ABI1: variants seen among roughly 807,000 people sequenced by gnomAD.
ABI1 encodes the protein abl interactor 1.
Under a neutral mutation model 54.6 loss-of-function variants are expected in ABI1, and 14 were observed. The ratio of observed to expected loss-of-function variants is 0.26; its 90% confidence interval spans 0.17 to 0.40. The LOEUF is 0.40. Ranked by LOEUF, ABI1 falls within the 10% of genes least tolerant of loss-of-function variation. The pLI, the probability that ABI1 is intolerant of heterozygous loss-of-function variation, is 1.00. For synonymous variants in ABI1, 194 were observed against 209.3 expected (o/e 0.93, Z 0.63); for missense variants, 443 against 598.3 (o/e 0.74, Z 2.71).
intron 1 of ABI1, among the ~76,000 whole-genome samples, chr10:26,845,464 G>T (rs1179305136): frequency 6.6e-6 from 1 of 151,952 alleles, no homozygotes; most frequent in African/African-American, 2.4e-5. Flanking sequence ...CCAATATGAT[G>T]AAACCCCATC....
At chr10:26,783,249 A>C (rs1421262569) in intron 2 of ABI1, among the ~76,000 whole-genome samples, 1 of 152,254 alleles carries the variant, frequency 6.6e-6, no homozygotes, top group Non-Finnish European at 1.5e-5. Flanking sequence ...GTACTAGAGC[A>C]GTCAAATTCA....
chr10:26,786,713 A>T (rs1842773057), intron 2 of ABI1, among the ~76,000 whole-genome samples: 1 of 152,036 alleles, frequency 6.6e-6, no homozygotes, highest in Non-Finnish European at 1.5e-5. Flanking sequence ...TCTCCCGAAC[A>T]CTCATTCTCT....
At chr10:26,753,650 A>C (rs566579149) in intron 9 of ABI1, among the ~76,000 whole-genome samples, 2 of 152,322 alleles carry the variant, frequency 1.3e-5, no homozygotes, top group Non-Finnish European at 2.9e-5. Flanking sequence ...ATTATCACCC[A>C]CTTTGAGTGT....
Position 26,859,825 on chromosome 10 carries a change from A to G in ABI1, c.117+922T>C, listed in dbSNP as rs185987497. 7.3e-3 allele frequency among the ~76,000 whole-genome samples: 1,117 copies of G among 152,322 alleles called. 5 individuals are homozygous for G. The highest frequency in any genetic ancestry group is 0.014 in the Non-Finnish European group (929 of 68,028). ...AAGCAACCGGCGATGACACCAGTCT[A>G]TTTTAAGTTACTTATGAAGCCTACA... On this transcript the variant is annotated intron_variant, in intron 1 of 10. Transcript: ENST00000376140.
rs920578222 is a variant in ABI1, at chr10:26,768,764, C to G, written c.719+88G>C. 4 of 1,100,626 alleles carry G rather than the reference C, an allele frequency of 3.6e-6. No individual in the cohort carries two copies. The African/African-American group carries it at 4.8e-5, about 13-fold the overall frequency. The allele number at this position is 1,100,626 out of a possible 1,614,324, so 68.2% of individuals were successfully genotyped here. A position where few individuals can be genotyped will look rare whatever the true frequency, so the allele number is the denominator to read the frequency against. ...TTATATTAGCATTAGAGTGGCACCT[C>G]ACCTTTACTCAGCACCTCCATAGGA... On this transcript the variant is annotated intron_variant, in intron 6 of 10. Coordinates refer to ENST00000376140, the MANE Select transcript of ABI1 (RefSeq NM_001012750.3).
At chr10:26,801,864 C>A (rs1315423224) in intron 2 of ABI1, among the ~76,000 whole-genome samples, 1 of 152,110 alleles carries the variant, frequency 6.6e-6, no homozygotes, top group Admixed American at 6.5e-5. Context: ...AGAGCAATGA[C>A]CATAATAGAC....
rs181194707 is a variant in ABI1 at position 26,809,822 on chromosome 10, G to C, written c.285+13316C>G. Among the ~76,000 whole-genome samples, 13 of 152,278 alleles carry C rather than the reference G, an allele frequency of 8.5e-5. No individual in the cohort carries two copies. In the East Asian group the frequency reaches 2.5e-3, roughly 29 times the overall value. The stretch of plus-strand genomic sequence containing the variant: ...TGCCTGGTGGAGCTCCCTGGATGGT[G>C]AACACGCTGATGAGCAAGGAGGGTA... On this transcript the variant is annotated intron_variant, in intron 2 of 10. Transcript: ENST00000376140.
intron 1 of ABI1, among the ~76,000 whole-genome samples, chr10:26,825,134 G>C (rs2048228270): frequency 2.0e-5 from 3 of 152,148 alleles, no homozygotes; most frequent in Non-Finnish European, 4.4e-5. Flanking sequence ...AGACAACAAT[G>C]AAATTTGCTG....
chr10:26,768,452 C>A (rs1840240041), intron 6 of ABI1, among the ~76,000 whole-genome samples: 2 of 150,670 alleles, frequency 1.3e-5, no homozygotes, highest in African/African-American at 4.9e-5. Context: ...GCAGGAAAAT[C>A]GCTTGAACCT....
intron 2 of ABI1, among the ~76,000 whole-genome samples, chr10:26,795,875 A>G (rs1844090781): frequency 6.6e-6 from 1 of 152,216 alleles, no homozygotes; most frequent in African/African-American, 2.4e-5. Context: ...GGCATCCTCC[A>G]CTGAAATAGA....
intron 2 of ABI1, 100 bp downstream of exon 2, chr10:26,823,038 G>A (rs757629618): frequency 3.2e-5 from 34 of 1,074,374 alleles, no homozygotes; most frequent in African/African-American, 5.0e-5. Context: ...ATTATCACCA[G>A]TAAGATGAGT....
At chr10:26,820,862 G>C (rs191458325) in intron 2 of ABI1, among the ~76,000 whole-genome samples, 1 of 152,026 alleles carries the variant, frequency 6.6e-6, no homozygotes, top group Non-Finnish European at 1.5e-5. Flanking sequence ...ACACTATTTA[G>C]AGGGACATTT....
chr10:26,857,735 G>A (rs2050946547), intron 1 of ABI1, among the ~76,000 whole-genome samples: 1 of 150,330 alleles, frequency 6.7e-6, no homozygotes. Flanking sequence ...TGTGGTCTCA[G>A]CTACATGGGA....
chr10:26,771,494 T>C (rs1182716924), intron 3 of ABI1, among the ~76,000 whole-genome samples: 1 of 152,188 alleles, frequency 6.6e-6, no homozygotes, highest in Non-Finnish European at 1.5e-5. Flanking sequence ...AACACTTTAC[T>C]GGATAATGAA....
At chr10:26,762,045 C>T (rs892630119) in intron 7 of ABI1, among the ~76,000 whole-genome samples, 1 of 152,100 alleles carries the variant, frequency 6.6e-6, no homozygotes, top group African/African-American at 2.4e-5. Flanking sequence ...CTCACTCTGT[C>T]ACCCAGGCTA....
intron 9 of ABI1, among the ~76,000 whole-genome samples, chr10:26,752,864 C>T (rs1664140047): frequency 6.6e-6 from 1 of 152,056 alleles, no homozygotes. Flanking sequence ...CAATAAATTT[C>T]TTTAAAAGTT....
At chr10:26,829,033 T>C (rs764347382) in intron 1 of ABI1, among the ~76,000 whole-genome samples, 6 of 151,662 alleles carry the variant, frequency 4.0e-5, no homozygotes, top group Non-Finnish European at 7.4e-5. Flanking sequence ...GAGACCATCC[T>C]GGCTAACACG....
intron 2 of ABI1, among the ~76,000 whole-genome samples, chr10:26,817,982 C>A (rs2047686192): frequency 6.7e-6 from 1 of 150,170 alleles, no homozygotes; most frequent in Non-Finnish European, 1.5e-5. Flanking sequence ...ATGGTGAAAT[C>A]CCATCTCTAC....
intron 2 of ABI1, among the ~76,000 whole-genome samples, chr10:26,789,757 T>A (rs1368250793): frequency 6.6e-6 from 1 of 152,194 alleles, no homozygotes; most frequent in Non-Finnish European, 1.5e-5. Context: ...CCATTAGGTT[T>A]TTCCTGGTCC....
Sources: gnomAD v4.1 joint callset for allele counts (sites outside exome capture counted in the v4.1 genomes callset) on GRCh38, gnomAD v4.1.1 for gene constraint, MANE v1.5 for transcripts, NCBI Gene and HGNC (gene_info 2026-07-23, HGNC 2026-07-21) for gene names.